The following ILKAP variants were observed in gnomAD, a reference collection of about 807,000 sequenced individuals.
ILKAP encodes the protein ILK associated serine/threonine phosphatase, also known as integrin-linked kinase-associated serine/threonine phosphatase 2C.
Under a neutral mutation model 49.1 loss-of-function variants are expected in ILKAP, and 11 were observed. The ratio of observed to expected loss-of-function variants is 0.22; its 90% confidence interval spans 0.14 to 0.37. ILKAP has a LOEUF of 0.37. ILKAP is among the 10% of genes least tolerant of loss of function. The pLI, the probability that ILKAP is intolerant of heterozygous loss-of-function variation, is 1.00. For synonymous variants in ILKAP, 186 were observed against 192.8 expected (o/e 0.96, Z 0.29); for missense variants, 363 against 510.8 (o/e 0.71, Z 2.79).
At chr2:238,195,215 G>A (rs1474838748) in intron 1 of ILKAP, among the ~76,000 whole-genome samples, 1 of 152,028 alleles carries the variant, frequency 6.6e-6, no homozygotes, top group African/African-American at 2.4e-5. Context: ...ATCCTGGGAA[G>A]AAAAAAACTG....
intron 9 of ILKAP, among the ~76,000 whole-genome samples, chr2:238,181,173 T>C (rs568183140): frequency 2.6e-5 from 4 of 152,310 alleles, no homozygotes; most frequent in African/African-American, 9.6e-5. Context: ...TAAAAAAGGC[T>C]TCCCCAAATG....
intron 5 of ILKAP, among the ~76,000 whole-genome samples, chr2:238,187,876 T>C (rs1693969793): frequency 6.6e-6 from 1 of 152,188 alleles, no homozygotes; most frequent in African/African-American, 2.4e-5. Flanking sequence ...GCTTCTAAGA[T>C]GTTTACCAGC....
At chr2:238,185,456 G>GA in intron 5 of ILKAP, 169 bp from the exon 6 acceptor site, 4 of 524,718 alleles carry the variant, frequency 7.6e-6, no homozygotes, top group Non-Finnish European at 1.4e-5. Flanking sequence ...GGCTTTAACT[G>GA]AGACAAATAT....
chr2:238,192,206 A>G (rs111243161), intron 3 of ILKAP, among the ~76,000 whole-genome samples: 20,380 of 150,502 alleles, frequency 0.14, 1,503 homozygotes, highest in Middle Eastern at 0.22. Context: ...ACTGTCTTAA[A>G]AAAAAAAAAA....
rs2106339972 is a variant in ILKAP, at chr2:238,194,823, C to A, written c.103G>T (p.Ala35Ser). ...GPLLFDDLPP[A>S]SSTDSGSGGP... ...ACTGTACCTGAGTCAGTACTGCTGG[C>A]CGGAGGGAGGTCATCAAAGAGCAGG... Residue 35 changes from alanine to serine, a missense_variant, in exon 2 of 12, where the codon GCC becomes TCC. Around this residue, in one of 3 missense-constraint regions of ILKAP, gnomAD observed 114 missense variants for 116.0 expected, o/e 0.98. Coordinates refer to ENST00000254654, the MANE Select transcript of ILKAP (RefSeq NM_030768.3). The A allele has an allele frequency of 1.2e-6, 2 of 1,614,108 alleles. No homozygotes were observed. Among genetic ancestry groups the A allele is most frequent in the Middle Eastern group, 3.3e-4 (2 of 6,062 alleles).
At chr2:238,198,987 C>G (rs1412043373) in intron 1 of ILKAP, among the ~76,000 whole-genome samples, 1 of 152,218 alleles carries the variant, frequency 6.6e-6, no homozygotes, top group African/African-American at 2.4e-5. Context: ...CCCCCAACCA[C>G]AGTATGAGTT....
At chr2:238,191,778 G>A (rs916412875) in intron 3 of ILKAP, among the ~76,000 whole-genome samples, 8 of 151,952 alleles carry the variant, frequency 5.3e-5, no homozygotes, top group Non-Finnish European at 8.8e-5. Context: ...GCATGGTAGC[G>A]CCTGTAATCC....
intron 5 of ILKAP, chr2:238,185,807 A>C (rs531331210): frequency 9.1e-5 from 14 of 153,536 alleles, no homozygotes; most frequent in African/African-American, 3.4e-4. Context: ...CTGTCTAAAA[A>C]AAAAAAAAAC....
intron 9 of ILKAP, among the ~76,000 whole-genome samples, chr2:238,180,394 G>A (rs10187898): frequency 0.088 from 13,358 of 152,216 alleles, 1,051 homozygotes; most frequent in African/African-American, 0.21. Context: ...TTCAGGAGAT[G>A]CATGCTTAAG....
intron 3 of ILKAP, among the ~76,000 whole-genome samples, chr2:238,192,019 T>C (rs1174062909): frequency 6.6e-6 from 1 of 150,406 alleles, no homozygotes; most frequent in Non-Finnish European, 1.5e-5. Context: ...GAGACCATCC[T>C]GGCCAACATG....
intron 1 of ILKAP, among the ~76,000 whole-genome samples, chr2:238,199,566 C>A (rs1248825503): frequency 6.6e-6 from 1 of 152,060 alleles, no homozygotes; most frequent in African/African-American, 2.4e-5. Flanking sequence ...TTTTTCCCAT[C>A]AATTCTGTGA....
Position 238,185,499 on chromosome 2 carries a change from T to A in ILKAP, c.426-212A>T, listed in dbSNP as rs75759995. On this transcript the variant is annotated intron_variant, in intron 5 of 11. Transcript: ENST00000254654. The stretch of plus-strand genomic sequence containing the variant: ...ACTTTCACAGCATTTTATCTTTTTT[T>A]AAAAAAAAAATACTTGTGTGTGGGC... The A allele has an allele frequency of 1.8e-3, 774 of 429,976 alleles. 1 individual carries two copies. The highest frequency in any genetic ancestry group is 8.7e-3 in the African/African-American group (432 of 49,586). 26.6% of individuals were successfully genotyped at this position (429,976 alleles called of 1,614,324 possible).
chr2:238,198,340 G>C (rs1367881197), intron 1 of ILKAP, among the ~76,000 whole-genome samples: 1 of 151,984 alleles, frequency 6.6e-6, no homozygotes, highest in Non-Finnish European at 1.5e-5. Context: ...CTGGGCTCAA[G>C]CAATCCTCCC....
At chr2:238,180,574 T>C (rs116064761) in intron 9 of ILKAP, among the ~76,000 whole-genome samples, 1,922 of 152,272 alleles carry the variant, frequency 0.013, 37 homozygotes, top group African/African-American at 0.043. Context: ...AAGCTGAGAG[T>C]GGGGCAGCCA....
chr2:238,177,700 C>T (rs572506562), intron 9 of ILKAP, among the ~76,000 whole-genome samples: 6 of 152,160 alleles, frequency 3.9e-5, no homozygotes, highest in Non-Finnish European at 7.3e-5. Context: ...AGACATCTCA[C>T]GTTGCTTATC....
chr2:238,194,135 TTA>T, intron 3 of ILKAP, 138 bp downstream of exon 3: 1 of 627,608 alleles, frequency 1.6e-6, no homozygotes, highest in Non-Finnish European at 2.8e-6. Context: ...ATGTGCCTGT[TTA>T]TAGTTTTAGT....
intron 9 of ILKAP, among the ~76,000 whole-genome samples, chr2:238,180,188 G>A (rs1298476740): frequency 6.6e-6 from 1 of 151,128 alleles, no homozygotes; most frequent in Non-Finnish European, 1.5e-5. Flanking sequence ...AAGAAAGAAA[G>A]AAAAAGAAAA....
chr2:238,197,004 C>T (rs1231320800), intron 1 of ILKAP, among the ~76,000 whole-genome samples: 1 of 152,180 alleles, frequency 6.6e-6, no homozygotes, highest in African/African-American at 2.4e-5. Context: ...CAAGATGAGC[C>T]TGACCAACAT....
chr2:238,201,456 T>A (rs1694563994), intron 1 of ILKAP, among the ~76,000 whole-genome samples: 1 of 152,222 alleles, frequency 6.6e-6, no homozygotes, highest in South Asian at 2.1e-4. Flanking sequence ...TCCTGGCAGA[T>A]GGGGAGCAGC....
Sources: gnomAD v4.1 joint callset for allele counts (sites outside exome capture counted in the v4.1 genomes callset) on GRCh38, gnomAD v4.1.1 for gene constraint, gnomAD v4.1.1 regional missense constraint, MANE v1.5 for transcripts, NCBI Gene and HGNC (gene_info 2026-07-23, HGNC 2026-07-21) for gene names.